CHD6: variants seen among roughly 807,000 people sequenced by gnomAD.
The protein encoded by CHD6 is chromodomain helicase DNA binding protein 6.
CHD6 carries 50 observed loss-of-function variants against 276.9 expected under a neutral mutation model. The observed-to-expected ratio is 0.18, with a 90% CI of 0.14 to 0.23. The LOEUF (loss-of-function observed/expected upper bound fraction) is 0.23. Ranked by LOEUF, CHD6 falls within the 10% of genes least tolerant of loss-of-function variation. The pLI is 1.00. For missense variants in CHD6, 2,564 were observed against 3,365.8 expected, an observed-to-expected ratio of 0.76 and a Z score of 5.89; for synonymous variants, 1,173 against 1,229.3, an observed-to-expected ratio of 0.95 and a Z score of 0.96.
chr20:41,557,386 T>C (rs1250295144), intron 1 of CHD6, among the ~76,000 whole-genome samples: 1 of 152,076 alleles, frequency 6.6e-6, no homozygotes, highest in African/African-American at 2.4e-5. Flanking sequence ...CAGGTTTCAA[T>C]AAGAACATTT....
intron 1 of CHD6, among the ~76,000 whole-genome samples, chr20:41,579,431 C>T (rs2045511711): frequency 1.7e-5 from 1 of 60,374 alleles, no homozygotes; most frequent in Non-Finnish European, 2.6e-5. Flanking sequence ...GAGTGAGACT[C>T]TGTCTCAAAA....
chr20:41,525,419 C>T (rs1170274512), intron 3 of CHD6, among the ~76,000 whole-genome samples: 3 of 152,236 alleles, frequency 2.0e-5, no homozygotes, highest in African/African-American at 7.2e-5. Context: ...GAGCTGCCTG[C>T]TCCATTGCAA....
chr20:41,516,076 A>C (rs999258723), intron 3 of CHD6, among the ~76,000 whole-genome samples: 1 of 152,232 alleles, frequency 6.6e-6, no homozygotes, highest in African/African-American at 2.4e-5. Flanking sequence ...ATTGCAGCTA[A>C]TACTTTATAT....
At chr20:41,407,430 G>A (rs2046712934) in intron 36 of CHD6, among the ~76,000 whole-genome samples, 1 of 152,218 alleles carries the variant, frequency 6.6e-6, no homozygotes. Flanking sequence ...AGAAGCCAGG[G>A]AAGCTGAGGA....
chr20:41,577,383 G>C (rs951330301), intron 1 of CHD6, among the ~76,000 whole-genome samples: 1 of 152,188 alleles, frequency 6.6e-6, no homozygotes, highest in Admixed American at 6.5e-5. Flanking sequence ...AAAGGTCAGA[G>C]TGGTATCCTG....
chr20:41,422,611 C>T lies in CHD6; in HGVS notation c.4556-532G>A, dbSNP rs576298614. Among the ~76,000 whole-genome samples, 6 of 152,304 alleles carry T rather than the reference C, an allele frequency of 3.9e-5. No homozygotes were observed. In the East Asian group the frequency reaches 1.2e-3, roughly 29 times the overall value. ...AGTGAGCTGTGATCATGTCACTGTA[C>T]TCTACACTAGGTACTTTATACACAT... On this transcript the variant is annotated intron_variant, in intron 30 of 36. Coordinates refer to ENST00000373233, the MANE Select transcript of CHD6 (RefSeq NM_032221.5).
At chr20:41,570,342 G>T (rs918329003) in intron 1 of CHD6, among the ~76,000 whole-genome samples, 1 of 152,192 alleles carries the variant, frequency 6.6e-6, no homozygotes, top group African/African-American at 2.4e-5. Context: ...AGCCCTCAAA[G>T]AGAGGAATAT....
At chr20:41,530,616 A>C (rs2044661123) in intron 3 of CHD6, among the ~76,000 whole-genome samples, 1 of 152,218 alleles carries the variant, frequency 6.6e-6, no homozygotes, top group Non-Finnish European at 1.5e-5. Context: ...CATATGTAAA[A>C]TTGCTTCTGC....
At position 41,489,730 on chromosome 20, in the gene CHD6, T is replaced by C. The variant is rs367664440; in HGVS notation, c.1680+48A>G. 4.3e-6 allele frequency: 7 copies of C among 1,610,376 alleles called. No homozygotes were observed. In the African/African-American group the frequency reaches 9.4e-5, roughly 22 times the overall value. On this transcript the variant is annotated intron_variant, in intron 12 of 36. Coordinates refer to ENST00000373233, the MANE Select transcript of CHD6 (RefSeq NM_032221.5). The stretch of plus-strand genomic sequence containing the variant: ...CTGAAGATAAGTGACAGAAAGGCTG[T>C]TCTGAGCTTAGGCAGTCCCTGGGTC...
In CHD6 at chr20:41,452,576, C is replaced by T. The variant is rs552228223; in HGVS notation, c.3323+164G>A. 3.1e-4 allele frequency among the ~76,000 whole-genome samples: 47 copies of T among 152,244 alleles called. 1 individual carries two copies. The highest frequency in any genetic ancestry group is 2.5e-3 in the Admixed American group (39 of 15,296). On this transcript the variant is annotated intron_variant, in intron 21 of 36. Coordinates refer to ENST00000373233, the MANE Select transcript of CHD6 (RefSeq NM_032221.5). The surrounding 1 kb of genome is among the most constrained non-coding windows in gnomAD (Gnocchi z 4.2). ...GTTGCGGAGCATACGGTGACTGAGA[C>T]GGATTCTGGGCAGAAGGCACAGTTC...
chr20:41,489,522 CA>C (rs2043497289), intron 12 of CHD6, among the ~76,000 whole-genome samples: 1 of 152,094 alleles, frequency 6.6e-6, no homozygotes, highest in Non-Finnish European at 1.5e-5. Flanking sequence ...CTTCATAAAC[CA>C]ATAAGTAAGT....
At chr20:41,424,164 G>A (rs965043745) in intron 29 of CHD6, among the ~76,000 whole-genome samples, 15 of 152,148 alleles carry the variant, frequency 9.9e-5, no homozygotes, top group African/African-American at 3.6e-4. Context: ...TCTTACTGGT[G>A]TCCCGAAGGG....
At position 41,562,905 on chromosome 20, in the gene CHD6, A is replaced by C. The variant is rs149799881; in HGVS notation, c.-23-11545T>G. 3.5e-3 allele frequency among the ~76,000 whole-genome samples: 540 copies of C among 152,288 alleles called. 2 individuals are homozygous for C. The highest frequency in any genetic ancestry group is 5.3e-3 in the Non-Finnish European group (358 of 68,002). On this transcript the variant is annotated intron_variant, in intron 1 of 36. Coordinates refer to ENST00000373233, the MANE Select transcript of CHD6 (RefSeq NM_032221.5). ...TGGACTAAAAATCCATCTCTCCAAA[A>C]ATGTGAACACCTAACTTAAAATATC...
chr20:41,413,288 A>G, intron 35 of CHD6, 36 bp downstream of exon 35: 1 of 1,481,660 alleles, frequency 6.7e-7, no homozygotes, highest in Non-Finnish European at 9.0e-7. Flanking sequence ...AGCAGGAAGT[A>G]AACAGTGATC....
At chr20:41,551,204 C>A in intron 2 of CHD6, 101 bp downstream of exon 2, 1 of 772,092 alleles carries the variant, frequency 1.3e-6, no homozygotes, top group South Asian at 1.5e-5. Context: ...AGGGAAAGTA[C>A]CAGAGATTAA....
Position 41,587,445 on chromosome 20 carries a change from C to G in CHD6, c.-24+30895G>C, listed in dbSNP as rs1193409565. Among the ~76,000 whole-genome samples the G allele has an allele frequency of 2.0e-5, 3 of 152,188 alleles. No individual in the cohort carries two copies. The East Asian group carries it at 5.8e-4, about 29-fold the overall frequency. On this transcript the variant is annotated intron_variant, in intron 1 of 36. Coordinates refer to ENST00000373233, the MANE Select transcript of CHD6 (RefSeq NM_032221.5). Reference sequence around the variant, plus strand: ...CAGGATTTTGGAATAATTAGCAAGCCTTTCAGATGAATCAGCTTTCCTTTC... The same window carrying G: ...CAGGATTTTGGAATAATTAGCAAGCGTTTCAGATGAATCAGCTTTCCTTTC...
At chr20:41,561,659 G>A (rs2146186236) in intron 1 of CHD6, among the ~76,000 whole-genome samples, 1 of 152,254 alleles carries the variant, frequency 6.6e-6, no homozygotes. Flanking sequence ...CTAAAAATGA[G>A]ATGTAAGTTT....
intron 1 of CHD6, among the ~76,000 whole-genome samples, chr20:41,595,855 G>A (rs1767980073): frequency 6.6e-6 from 1 of 151,682 alleles, no homozygotes; most frequent in African/African-American, 2.4e-5. Flanking sequence ...ACTTCTAATA[G>A]AATATGTCAA....
At chr20:41,509,737 C>A (rs765321414) in intron 5 of CHD6, among the ~76,000 whole-genome samples, 9 of 152,144 alleles carry the variant, frequency 5.9e-5, no homozygotes, top group Non-Finnish European at 1.2e-4. Flanking sequence ...AAAGGCACTG[C>A]AGAATTCTAA....
Sources: gnomAD v4.1 joint callset for allele counts (sites outside exome capture counted in the v4.1 genomes callset) on GRCh38, gnomAD v4.1.1 for gene constraint, Gnocchi (gnomAD v3.1) non-coding constraint, MANE v1.5 for transcripts, NCBI Gene and HGNC (gene_info 2026-07-23, HGNC 2026-07-21) for gene names.